The following DCBLD2 variants were observed in gnomAD, a reference collection of about 807,000 sequenced individuals.
The protein encoded by DCBLD2 is discoidin, CUB and LCCL domain-containing protein 2.
A neutral mutation model predicts 86.8 loss-of-function variants in DCBLD2; 54 were observed. That is an observed-to-expected ratio of 0.62 (90% CI 0.50 to 0.78). The LOEUF is 0.78. Ranked by LOEUF, DCBLD2 falls within the 30% of genes least tolerant of loss-of-function variation. The pLI, the probability that DCBLD2 is intolerant of heterozygous loss-of-function variation, is 0.00. For missense variants in DCBLD2, 908 were observed against 954.2 expected (o/e 0.95, Z 0.64); for synonymous variants, 354 against 341.3 (o/e 1.04, Z -0.41).
rs752145855 is a variant in DCBLD2 at position 98,823,705 on chromosome 3, CTT to C, written c.624-966_624-965del. On this transcript the variant is annotated intron_variant, in intron 4 of 15. Transcript: ENST00000326840. ...ACAAGTAACACAATAATTCAGTAAA[CTT>C]AATGAATTGCCAGGTAGCACCCTAA... Among the ~76,000 whole-genome samples, 5 of 152,170 alleles carry C rather than the reference CTT, an allele frequency of 3.3e-5. No homozygotes were observed. The East Asian group carries it at 5.8e-4, about 18-fold the overall frequency.
chr3:98,881,772 A>T lies in DCBLD2; in HGVS notation c.206-5T>A, dbSNP rs1943475082. ...CAGTGTGTCCACATCCATCACCTTT[A>T]AAAAAAGTGAAAAGAATGATAAATT... On this transcript the variant is annotated splice_region_variant and splice_polypyrimidine_tract_variant and intron_variant, in intron 1 of 15. Coordinates refer to ENST00000326840, the MANE Select transcript of DCBLD2 (RefSeq NM_080927.4). The T allele has an allele frequency of 6.3e-7, 1 of 1,579,102 alleles. No homozygotes were observed. The highest frequency in any genetic ancestry group is 8.6e-7 in the Non-Finnish European group (1 of 1,157,368).
chr3:98,822,262 C>T lies in DCBLD2; in HGVS notation c.796G>A (p.Glu266Lys), dbSNP rs377683696. The change falls in exon 6 of 16, where the codon GAA becomes AAA. Residue 266 changes from glutamate to lysine, a missense_variant. Physicochemically the swap from Glu to Lys is moderately conservative, Grantham distance 56 (BLOSUM62 1). This residue lies in a region of DCBLD2 where 606 missense variants were observed against 678.5 expected (regional missense o/e 0.89). Coordinates refer to ENST00000326840, the MANE Select transcript of DCBLD2 (RefSeq NM_080927.4). The part of the protein sequence containing the change: ...VVISKGIPYY[E>K]SSLANNVTSV... ...GTGACGTTGTTAGCCAAAGAACTTTCATAATAGGGGATACCTTTACTAATT... is the reference window on the plus strand; with the variant it reads ...GTGACGTTGTTAGCCAAAGAACTTTTATAATAGGGGATACCTTTACTAATT... 45 of 1,613,798 alleles carry T rather than the reference C, an allele frequency of 2.8e-5. No individual in the cohort carries two copies. Among genetic ancestry groups the T allele is most frequent in the Non-Finnish European group, 3.1e-5 (36 of 1,179,854 alleles).
intron 3 of DCBLD2, among the ~76,000 whole-genome samples, chr3:98,825,843 TCTAA>T (rs769645475): frequency 7.9e-5 from 12 of 152,060 alleles, no homozygotes; most frequent in East Asian, 1.9e-4. Context: ...ATTTTATGGC[TCTAA>T]CTATTAATAA....
chr3:98,900,959 G>A (rs1036770577), intron 1 of DCBLD2, 163 bp downstream of exon 1: 6 of 1,262,640 alleles, frequency 4.8e-6, no homozygotes, highest in Non-Finnish European at 6.4e-6. Context: ...AGACGGGCAA[G>A]ACCTTGCCTT....
intron 3 of DCBLD2, among the ~76,000 whole-genome samples, chr3:98,839,396 G>A (rs964016763): frequency 3.3e-5 from 5 of 151,974 alleles, no homozygotes; most frequent in South Asian, 4.1e-4. Context: ...CCATGAAGGC[G>A]GCACACACTA....
intron 3 of DCBLD2, among the ~76,000 whole-genome samples, chr3:98,834,142 C>CTTTTTTTTTTTTTTT (rs10588325): frequency 8.0e-6 from 1 of 124,916 alleles, no homozygotes; most frequent in Non-Finnish European, 1.7e-5. Flanking sequence ...GAGTTGTTTT[C>CTTTTTTTTTTTTTTT]TTTTTTTTTT....
At chr3:98,847,351 C>T (rs13083934) in intron 3 of DCBLD2, among the ~76,000 whole-genome samples, 10,523 of 152,274 alleles carry the variant, frequency 0.069, 449 homozygotes, top group African/African-American at 0.096. Flanking sequence ...CTTTCCATAA[C>T]ATCACACTGA....
intron 14 of DCBLD2, 76 bp from the exon 15 acceptor site, chr3:98,800,792 C>T (rs1361738897): frequency 3.1e-6 from 5 of 1,592,154 alleles, no homozygotes. Flanking sequence ...AGAGAAAAAT[C>T]CTGTTGCATT....
At chr3:98,838,120 T>C (rs1304308897) in intron 3 of DCBLD2, among the ~76,000 whole-genome samples, 2 of 125,676 alleles carry the variant, frequency 1.6e-5, no homozygotes, top group Non-Finnish European at 3.5e-5. Context: ...CCCTCCCGGA[T>C]GGGGCGGCTG....
intron 2 of DCBLD2, among the ~76,000 whole-genome samples, chr3:98,866,835 T>G (rs868771771): frequency 5.9e-5 from 9 of 152,354 alleles, no homozygotes; most frequent in East Asian, 1.9e-4. Context: ...TTTTTATGGT[T>G]TTAGGTCTAA....
intron 1 of DCBLD2, among the ~76,000 whole-genome samples, chr3:98,891,441 T>C (rs949957214): frequency 6.6e-6 from 1 of 152,086 alleles, no homozygotes; most frequent in Non-Finnish European, 1.5e-5. Context: ...TCTGAACAAG[T>C]GCAGGCCCTT....
At position 98,817,756 on chromosome 3, in the gene DCBLD2, G is replaced by A. The variant is rs764863098; in HGVS notation, c.1212+13C>T. The A allele has an allele frequency of 1.9e-6, 3 of 1,611,916 alleles. No homozygotes were observed. The highest frequency in any genetic ancestry group is 2.5e-6 in the Non-Finnish European group (3 of 1,178,708). ...AAAAATGTTTTTTAAAAATACCTTGGTAATCATTTTACCTTATCTTGCTCC... is the reference window on the plus strand; with the variant it reads ...AAAAATGTTTTTTAAAAATACCTTGATAATCATTTTACCTTATCTTGCTCC... On this transcript the variant is annotated intron_variant, in intron 9 of 15. Coordinates refer to ENST00000326840, the MANE Select transcript of DCBLD2 (RefSeq NM_080927.4).
At chr3:98,825,618 T>A (rs1465785486) in intron 3 of DCBLD2, among the ~76,000 whole-genome samples, 1 of 142,844 alleles carries the variant, frequency 7.0e-6, no homozygotes, top group East Asian at 2.1e-4. Context: ...ACATACCATA[T>A]ACACACATAT....
intron 13 of DCBLD2, among the ~76,000 whole-genome samples, chr3:98,805,557 C>G (rs1290484503): frequency 1.3e-5 from 2 of 152,148 alleles, no homozygotes; most frequent in Non-Finnish European, 2.9e-5. Context: ...CAATAAGCTG[C>G]AGCTGTTTTT....
chr3:98,866,236 G>A (rs1301975991), intron 2 of DCBLD2, among the ~76,000 whole-genome samples: 3 of 152,126 alleles, frequency 2.0e-5, no homozygotes, highest in African/African-American at 7.2e-5. Flanking sequence ...GTAATGGGAT[G>A]GCTGGGTCAA....
intron 1 of DCBLD2, chr3:98,895,162 G>A (rs1297506208): frequency 2.0e-5 from 3 of 152,216 alleles, no homozygotes; most frequent in Non-Finnish European, 4.4e-5. Flanking sequence ...TATACAGTGT[G>A]AGAAATGCTG....
At chr3:98,899,394 G>A (rs1943809547) in intron 1 of DCBLD2, among the ~76,000 whole-genome samples, 1 of 151,808 alleles carries the variant, frequency 6.6e-6, no homozygotes, top group Non-Finnish European at 1.5e-5. Flanking sequence ...TGGGACTACA[G>A]GCATGTGCCA....
At chr3:98,882,149 C>T (rs527334610) in intron 1 of DCBLD2, among the ~76,000 whole-genome samples, 1 of 152,188 alleles carries the variant, frequency 6.6e-6, no homozygotes, top group East Asian at 1.9e-4. Context: ...TATATCTATT[C>T]ACAGGAGGCA....
chr3:98,847,479 T>G (rs1942747768), intron 3 of DCBLD2, among the ~76,000 whole-genome samples: 1 of 152,258 alleles, frequency 6.6e-6, no homozygotes, highest in Non-Finnish European at 1.5e-5. Flanking sequence ...AAAGATTTTG[T>G]TAGCCTTCAC....
Sources: allele counts gnomAD v4.1 joint callset (sites outside exome capture counted in the v4.1 genomes callset), GRCh38; gene constraint gnomAD v4.1.1; regional missense constraint gnomAD v4.1.1; transcripts MANE v1.5; gene names NCBI Gene and HGNC (gene_info 2026-07-23, HGNC 2026-07-21).